Variants in NEK11 observed in about 807,000 individuals in gnomAD.
The protein encoded by NEK11 is NIMA related kinase 11.
A neutral mutation model predicts 80.7 loss-of-function variants in NEK11; 72 were observed. The observed-to-expected ratio is 0.89, with a 90% CI of 0.74 to 1.08. NEK11 has a LOEUF of 1.08. Ranked by LOEUF, NEK11 falls within the 50% of genes least tolerant of loss-of-function variation. The probability of loss-of-function intolerance (pLI) is 0.00; values close to 1 mark genes in which losing one functional copy is unlikely to be tolerated. For synonymous variants in NEK11, 251 were observed against 260.7 expected (o/e 0.96, Z 0.36); for missense variants, 764 against 763.6 (o/e 1.00, Z -0.01).
At chr3:131,217,408 T>G (rs753758660) in intron 14 of NEK11, among the ~76,000 whole-genome samples, 2 of 152,156 alleles carry the variant, frequency 1.3e-5, no homozygotes, top group East Asian at 3.9e-4. Flanking sequence ...AGAGTTCAGC[T>G]GTCATCCTGA....
intron 11 of NEK11, chr3:131,165,152 C>T (rs1313621944): frequency 8.7e-6 from 3 of 346,738 alleles, no homozygotes; most frequent in Non-Finnish European, 1.6e-5. Context: ...TGTCATTGCA[C>T]TTGGAGAACT....
At chr3:131,300,348 C>T (rs2096647328) in intron 17 of NEK11, among the ~76,000 whole-genome samples, 1 of 152,030 alleles carries the variant, frequency 6.6e-6, no homozygotes, top group East Asian at 1.9e-4. Context: ...ACTCTGTTGA[C>T]ATTTTCTTTT....
chr3:131,293,013 A>G (rs1001293805), intron 17 of NEK11, among the ~76,000 whole-genome samples: 4 of 152,134 alleles, frequency 2.6e-5, no homozygotes, highest in Non-Finnish European at 5.9e-5. Flanking sequence ...AATTTTCTAC[A>G]TAGACAATCG....
At chr3:131,220,374 GT>G (rs57328125) in intron 14 of NEK11, among the ~76,000 whole-genome samples, 85,259 of 151,942 alleles carry the variant, frequency 0.56, 27,097 homozygotes, top group South Asian at 0.73. Flanking sequence ...AATTTGAGCA[GT>G]TTTTCACACC....
At chr3:131,342,999 T>G (rs1000816500) in intron 17 of NEK11, among the ~76,000 whole-genome samples, 14 of 152,054 alleles carry the variant, frequency 9.2e-5, no homozygotes, top group African/African-American at 3.4e-4. Flanking sequence ...GTGAGAGTAG[T>G]TTCAGGGAAA....
At chr3:131,341,920 ATT>A (rs1460575722) in intron 17 of NEK11, among the ~76,000 whole-genome samples, 1 of 152,120 alleles carries the variant, frequency 6.6e-6, no homozygotes, top group African/African-American at 2.4e-5. Context: ...ACCTAGCTGG[ATT>A]TTGTTTTTTA....
At chr3:131,133,707 G>A in intron 6 of NEK11, 123 bp from the exon 7 acceptor site, 1 of 640,620 alleles carries the variant, frequency 1.6e-6, no homozygotes, top group South Asian at 2.6e-5. Flanking sequence ...TTTCTTTCCT[G>A]TTAAAATGCT....
At position 131,349,578 on chromosome 3, in the gene NEK11, G is replaced by A. The variant is rs769588457; in HGVS notation, c.1740G>A (p.Gly580=). ...RMRESAMQKL[G]TEVFEEVYNY... is the part of the protein sequence containing the mutation. ...ACAGATCAGCCATGCAGAAGCTGGG[G>A]ACAGAAGTATTTGAAGAGGTCTATA... Residue 580 remains glycine, a synonymous_variant, in exon 18 of 18, where the codon GGG becomes GGA. Coordinates refer to ENST00000383366, the MANE Select transcript of NEK11 (RefSeq NM_024800.5). The A allele has an allele frequency of 3.7e-6, 6 of 1,613,964 alleles. No homozygotes were observed. The highest frequency in any genetic ancestry group is 3.4e-6 in the Non-Finnish European group (4 of 1,180,004).
intron 17 of NEK11, among the ~76,000 whole-genome samples, chr3:131,306,116 C>A (rs1435922221): frequency 6.6e-6 from 1 of 151,990 alleles, no homozygotes; most frequent in East Asian, 1.9e-4. Flanking sequence ...GCTTATGTTG[C>A]CCATCTTTTT....
intron 14 of NEK11, among the ~76,000 whole-genome samples, chr3:131,202,180 C>T (rs529315581): frequency 9.9e-5 from 15 of 152,236 alleles, no homozygotes; most frequent in South Asian, 2.1e-4. Context: ...GCATGATCAA[C>T]GCAGAAGACA....
intron 4 of NEK11, among the ~76,000 whole-genome samples, chr3:131,082,611 A>G (rs1282411087): frequency 6.6e-6 from 1 of 152,224 alleles, no homozygotes; most frequent in Non-Finnish European, 1.5e-5. Flanking sequence ...GTTAGTTTAA[A>G]TTTAAATAAC....
At chr3:131,308,964 CAG>C (rs984519163) in intron 17 of NEK11, among the ~76,000 whole-genome samples, 1 of 152,194 alleles carries the variant, frequency 6.6e-6, no homozygotes, top group African/African-American at 2.4e-5. Context: ...CAGTTCACCA[CAG>C]AGTTTGTGTT....
In NEK11 at chr3:131,243,450, A is replaced by C; in HGVS notation, c.1575A>C (p.Glu525Asp). ...YRTNQQDSDI[E>D]ALARCLENVL... The stretch of plus-strand genomic sequence containing the variant: ...TATTTTGACAGGACAGTGATATCGA[A>C]GCGTTGGCCAGGTGTTTGGAAAATG... The change falls in exon 16 of 18, where the codon GAA (glutamate) becomes GAC (aspartate). Residue 525 changes from glutamate (E) to aspartate (D), a missense_variant. Glu to Asp is a conservative substitution (Grantham distance 45, BLOSUM62 2). Coordinates refer to ENST00000383366, the MANE Select transcript of NEK11 (RefSeq NM_024800.5). 6.2e-7 allele frequency: 1 copy of C among 1,612,900 alleles called. No homozygotes were observed.
At chr3:131,172,779 G>T (rs1029067965) in intron 14 of NEK11, among the ~76,000 whole-genome samples, 3 of 152,170 alleles carry the variant, frequency 2.0e-5, no homozygotes, top group Non-Finnish European at 4.4e-5. Flanking sequence ...GGCATTCTTT[G>T]TCACAGGGTG....
chr3:131,149,655 GA>G (rs1186043236), intron 7 of NEK11, among the ~76,000 whole-genome samples: 1 of 151,808 alleles, frequency 6.6e-6, no homozygotes, highest in African/African-American at 2.4e-5. Context: ...AAATTTATTG[GA>G]AAAAACATGT....
rs1024381434 is a variant in NEK11, at chr3:131,127,750, T to C, written c.456-4995T>C. Among the ~76,000 whole-genome samples the C allele has an allele frequency of 3.7e-4, 57 of 152,314 alleles. 1 individual carries two copies. The highest frequency in any genetic ancestry group is 5.7e-4 in the Non-Finnish European group (39 of 68,024). ...AAATATTGAGAGATGTTAGATGATA[T>C]TACTTTTCTCTGCCTGACAGTTATA... On this transcript the variant is annotated intron_variant, in intron 5 of 17. Transcript: ENST00000383366.
chr3:131,031,689 G>C (rs973523159), intron 3 of NEK11, among the ~76,000 whole-genome samples: 2 of 152,054 alleles, frequency 1.3e-5, no homozygotes, highest in African/African-American at 2.4e-5. Flanking sequence ...GGGGCTGGTT[G>C]GTTGGCAAGT....
intron 14 of NEK11, among the ~76,000 whole-genome samples, chr3:131,207,669 G>A (rs1282814798): frequency 2.0e-5 from 3 of 152,186 alleles, no homozygotes; most frequent in Non-Finnish European, 2.9e-5. Context: ...TAACTGGTGT[G>A]AGATGGTATT....
chr3:131,343,810 AG>A (rs2097322076), intron 17 of NEK11, among the ~76,000 whole-genome samples: 1 of 152,194 alleles, frequency 6.6e-6, no homozygotes, highest in Non-Finnish European at 1.5e-5. Flanking sequence ...GAGGCTGTGC[AG>A]GGCAGTGGGT....
Sources: gnomAD v4.1 joint callset for allele counts (sites outside exome capture counted in the v4.1 genomes callset) on GRCh38, gnomAD v4.1.1 for gene constraint, MANE v1.5 for transcripts, NCBI Gene and HGNC (gene_info 2026-07-23, HGNC 2026-07-21) for gene names.